IRF4: variants seen among roughly 807,000 people sequenced by gnomAD.
IRF4 encodes the protein lymphocyte-specific interferon regulatory factor.
In IRF4, 13 loss-of-function variants were observed where a neutral mutation model predicts 55.5. The ratio of observed to expected loss-of-function variants is 0.23; its 90% CI spans 0.15 to 0.37. IRF4 has a LOEUF of 0.37. Among genes scored for constraint, IRF4 ranks in the 10% least tolerant of loss-of-function variants. The pLI is 1.00. For synonymous variants in IRF4, 249 were observed against 240.7 expected (o/e 1.03, Z -0.32); for missense variants, 397 against 593.8 (o/e 0.67, Z 3.44).
rs768962108 is a variant in IRF4, at chr6:405,148, C to T, written c.1212+18C>T. ...CAGCTCACGTGAGTCCTCAGTTACACTCCTACCATAGTGGCTTCCTGTTCT... is the reference window on the plus strand; with the variant it reads ...CAGCTCACGTGAGTCCTCAGTTACATTCCTACCATAGTGGCTTCCTGTTCT... On this transcript the variant is annotated intron_variant, in intron 8 of 8. Coordinates refer to ENST00000380956, the MANE Select transcript of IRF4 (RefSeq NM_002460.4). The T allele has an allele frequency of 1.5e-6, 2 of 1,340,984 alleles. No homozygotes were observed. Among genetic ancestry groups the T allele is most frequent in the South Asian group, 2.3e-5 (2 of 85,136 alleles). 83.1% of individuals were successfully genotyped at this position (1,340,984 alleles called of 1,614,324 possible).
chr6:403,880 G>A (rs1761473672), intron 7 of IRF4, among the ~76,000 whole-genome samples: 1 of 152,080 alleles, frequency 6.6e-6, no homozygotes. Context: ...AGCCTGTGTA[G>A]GTGTAGTCTC....
chr6:397,322 T>C (rs1761291729), intron 5 of IRF4, 70 bp downstream of exon 5: 10 of 1,558,456 alleles, frequency 6.4e-6, no homozygotes, highest in Non-Finnish European at 7.9e-6. Context: ...TGGCGAATCC[T>C]GGTCTGTCCT....
intron 5 of IRF4, among the ~76,000 whole-genome samples, chr6:397,856 G>C (rs918439677): frequency 2.0e-5 from 3 of 152,148 alleles, no homozygotes; most frequent in African/African-American, 7.2e-5. Flanking sequence ...CTAGCAATGC[G>C]GTAACTCAGG....
chr6:400,514 C>T (rs1761368379), intron 6 of IRF4, among the ~76,000 whole-genome samples: 1 of 152,200 alleles, frequency 6.6e-6, no homozygotes, highest in South Asian at 2.1e-4. Flanking sequence ...GGAATTTCAG[C>T]AGACTTTACA....
At chr6:395,604 C>T (rs1026739650) in intron 3 of IRF4, among the ~76,000 whole-genome samples, 2 of 152,172 alleles carry the variant, frequency 1.3e-5, no homozygotes, top group Admixed American at 6.5e-5. Context: ...AAGGCACATT[C>T]GCATGCCATC....
chr6:394,198 C>A (rs1163732226), intron 2 of IRF4, among the ~76,000 whole-genome samples: 1 of 152,216 alleles, frequency 6.6e-6, no homozygotes, highest in Non-Finnish European at 1.5e-5. Context: ...CTGTGGGTGA[C>A]AGCTCACACC....
At chr6:397,308 G>A in intron 5 of IRF4, 56 bp downstream of exon 5, 1 of 1,595,122 alleles carries the variant, frequency 6.3e-7, no homozygotes, top group Non-Finnish European at 8.6e-7. Context: ...GTGGCCATGG[G>A]CCATGGCGAA....
chr6:410,834 C>CAGA lies in IRF4; in HGVS notation c.*3236_*3237insAGA, dbSNP rs1409855558. 62 of 232,594 alleles carry CAGA rather than the reference C, an allele frequency of 2.7e-4. No individual in the cohort carries two copies. The highest frequency in any genetic ancestry group is 1.2e-3 in the African/African-American group (55 of 45,418). 14.4% of individuals were successfully genotyped at this position (232,594 alleles called of 1,614,324 possible). On this transcript the variant is annotated 3_prime_UTR_variant, in exon 9 of 9. Transcript: ENST00000380956. The stretch of plus-strand genomic sequence containing the variant: ...TGTATTACGTATCTCCCCAAGTCCT[C>CAGA]TGTGGCCAGCTGCATCTGTCTGAAT...
At chr6:406,839 A>G in intron 8 of IRF4, 1 of 1,168,716 alleles carries the variant, frequency 8.6e-7, no homozygotes, top group Non-Finnish European at 1.1e-6. Context: ...GAGAGCATTC[A>G]GCTTGCCTTA....
intron 3 of IRF4, among the ~76,000 whole-genome samples, 195 bp from the exon 4 acceptor site, chr6:395,652 C>A (rs977765449): frequency 6.6e-6 from 1 of 152,124 alleles, no homozygotes; most frequent in Admixed American, 6.5e-5. Context: ...ACAACTCAGA[C>A]CTTGTAGAAA....
chr6:398,581 G>A (rs146971355), intron 5 of IRF4, among the ~76,000 whole-genome samples: 333 of 152,328 alleles, frequency 2.2e-3, no homozygotes, highest in Middle Eastern at 3.4e-3. Flanking sequence ...CAGAGAGAGC[G>A]CTCCAAGTTT....
At position 395,011 on chromosome 6, in the gene IRF4, G is replaced by T; in HGVS notation, c.403+4G>T. On this transcript the variant is annotated splice_donor_region_variant and intron_variant, in intron 3 of 8. Coordinates refer to ENST00000380956, the MANE Select transcript of IRF4 (RefSeq NM_002460.4). ...GTTCCTGAGGGAGCCAAAAAAGGTA[G>T]GGGCTCTCCTGAATTTGGGTCACCT... 1 of 1,583,658 alleles carries T rather than the reference G, an allele frequency of 6.3e-7. No homozygotes were observed. Among genetic ancestry groups the T allele is most frequent in the South Asian group, 1.2e-5 (1 of 86,814 alleles).
chr6:397,778 G>C (rs796084195), intron 5 of IRF4, among the ~76,000 whole-genome samples: 1 of 152,174 alleles, frequency 6.6e-6, no homozygotes, highest in Admixed American at 6.5e-5. Context: ...CCCTGCCCTC[G>C]GGAGTTCCCC....
chr6:402,462 C>T (rs115983600), intron 7 of IRF4, among the ~76,000 whole-genome samples: 2,736 of 149,990 alleles, frequency 0.018, 80 homozygotes, highest in African/African-American at 0.065. Context: ...CTGCTCTACC[C>T]GCCACTCGCC....
chr6:397,938 G>A (rs1761307944), intron 5 of IRF4, among the ~76,000 whole-genome samples: 1 of 152,228 alleles, frequency 6.6e-6, no homozygotes, highest in Non-Finnish European at 1.5e-5. Flanking sequence ...CCCTTTGGAT[G>A]TTTTAGGAAT....
At chr6:392,283 G>T (rs944310959) in intron 1 of IRF4, among the ~76,000 whole-genome samples, 1 of 152,254 alleles carries the variant, frequency 6.6e-6, no homozygotes, top group African/African-American at 2.4e-5. Flanking sequence ...GCTGGCGCAG[G>T]AGGAGGAGGA....
Position 393,410 on chromosome 6 carries a change from CCCAGAGACAGAGCCCGGGGT to C in IRF4, c.216+45_216+64del. 2 of 1,425,380 alleles carry C rather than the reference CCCAGAGACAGAGCCCGGGGT, an allele frequency of 1.4e-6. No individual in the cohort carries two copies. The highest frequency in any genetic ancestry group is 1.9e-6 in the Non-Finnish European group (2 of 1,067,380). 88.3% of individuals were successfully genotyped at this position (1,425,380 alleles called of 1,614,324 possible). ...GCCGGCGGGGGCGCGCCGGGGAGGG[CCCAGAGACAGAGCCCGGGGT>C]CCCCGGCGCCGCCTCCGAGGCGAGC... is the stretch of plus-strand genomic sequence containing the variant. On this transcript the variant is annotated intron_variant, in intron 2 of 8. Transcript: ENST00000380956. This position sits in a 1 kb window ranked among gnomAD's most constrained non-coding sequence, Gnocchi z 5.4.
intron 6 of IRF4, among the ~76,000 whole-genome samples, chr6:400,472 G>A (rs1761367452): frequency 6.6e-6 from 1 of 152,136 alleles, no homozygotes; most frequent in Non-Finnish European, 1.5e-5. Flanking sequence ...CAGTTTTAGA[G>A]TTCTTTTCAA....
intron 6 of IRF4, among the ~76,000 whole-genome samples, chr6:399,372 C>G (rs1429403256): frequency 1.3e-5 from 2 of 152,138 alleles, no homozygotes; most frequent in African/African-American, 2.4e-5. Context: ...TCCCTGGGGA[C>G]ATTAGTTCTG....
Sources: allele counts gnomAD v4.1 joint callset (sites outside exome capture counted in the v4.1 genomes callset), GRCh38; gene constraint gnomAD v4.1.1; non-coding constraint Gnocchi (gnomAD v3.1); transcripts MANE v1.5; gene names NCBI Gene and HGNC (gene_info 2026-07-23, HGNC 2026-07-21).